Variants in GTF2B observed in about 807,000 individuals in gnomAD.
GTF2B encodes the protein general transcription factor IIB, also known as transcription initiation factor IIB.
GTF2B carries 20 observed loss-of-function variants against 34.6 expected under a neutral mutation model. The ratio of observed to expected loss-of-function variants is 0.58; its 90% CI spans 0.41 to 0.84. GTF2B has a LOEUF of 0.84. Ranked by LOEUF, GTF2B falls within the 40% of genes least tolerant of loss-of-function variation. The pLI is 0.00. For missense variants in GTF2B, 237 were observed against 393.3 expected (o/e 0.60, Z 3.36); for synonymous variants, 142 against 132.4 (o/e 1.07, Z -0.50).
At chr1:88,867,716 T>C (rs550457741) in intron 2 of GTF2B, among the ~76,000 whole-genome samples, 4 of 152,356 alleles carry the variant, frequency 2.6e-5, no homozygotes, top group African/African-American at 9.6e-5. Flanking sequence ...CTTCATTTCA[T>C]AGCATTTTCT....
At chr1:88,876,559 G>A (rs1440081937) in intron 2 of GTF2B, among the ~76,000 whole-genome samples, 3 of 152,008 alleles carry the variant, frequency 2.0e-5, no homozygotes, top group Admixed American at 6.6e-5. Context: ...GTTTGAGCCC[G>A]TGGCGACAGC....
At chr1:88,866,412 T>C (rs141150333) in intron 2 of GTF2B, among the ~76,000 whole-genome samples, 125 of 152,284 alleles carry the variant, frequency 8.2e-4, no homozygotes, top group African/African-American at 2.8e-3. Context: ...TTTTCTTTTT[T>C]CTTTTCCTTT....
chr1:88,887,285 A>G lies in GTF2B; in HGVS notation c.100T>C (p.Cys34Arg), dbSNP rs1176236860. Reference protein sequence around the residue: ...VEDYRAGDMICPECGLVVGDR... With the variant: ...VEDYRAGDMIRPECGLVVGDR... ...CCTACAACCAAGCCACATTCAGGAC[A>G]GATCATATCACCGGCTCTGTAGTCC... The change falls in exon 2 of 7, where the codon TGT becomes CGT. Residue 34 changes from cysteine (C) to arginine (R), a missense_variant. Coordinates refer to ENST00000370500, the MANE Select transcript of GTF2B (RefSeq NM_001514.6). 1.9e-6 allele frequency: 3 copies of G among 1,609,528 alleles called. No homozygotes were observed. The highest frequency in any genetic ancestry group is 3.3e-5 in the Admixed American group (2 of 59,992).
At chr1:88,886,719 T>A (rs1674076609) in intron 2 of GTF2B, among the ~76,000 whole-genome samples, 1 of 152,198 alleles carries the variant, frequency 6.6e-6, no homozygotes, top group South Asian at 2.1e-4. Context: ...TTTCGTTTCT[T>A]CTGGATTAGC....
intron 2 of GTF2B, among the ~76,000 whole-genome samples, chr1:88,868,466 C>A (rs1557656241): frequency 6.6e-6 from 1 of 152,138 alleles, no homozygotes; most frequent in Non-Finnish European, 1.5e-5. Flanking sequence ...AGTTCCCCAT[C>A]CAAAAGAGTA....
At chr1:88,869,773 C>CCT (rs1673647029) in intron 2 of GTF2B, among the ~76,000 whole-genome samples, 1 of 152,032 alleles carries the variant, frequency 6.6e-6, no homozygotes. Flanking sequence ...ATTACAGGCG[C>CCT]CTGCCACCAC....
chr1:88,853,436 A>G (rs1037990688), intron 6 of GTF2B, 90 bp from the exon 7 acceptor site: 11 of 1,172,624 alleles, frequency 9.4e-6, no homozygotes, highest in Non-Finnish European at 1.4e-5. Context: ...ATGATAGTAT[A>G]AAGTGCCAAA....
chr1:88,880,069 T>C (rs1283041751), intron 2 of GTF2B, among the ~76,000 whole-genome samples: 1 of 149,602 alleles, frequency 6.7e-6, no homozygotes. Context: ...CTCAAAAAAA[T>C]AAAAAAGAAA....
intron 1 of GTF2B, among the ~76,000 whole-genome samples, chr1:88,888,429 G>A (rs1456391998): frequency 6.6e-6 from 1 of 152,108 alleles, no homozygotes; most frequent in Non-Finnish European, 1.5e-5. Flanking sequence ...GGGGGGATGA[G>A]TATTACTTCA....
chr1:88,864,341 T>G (rs1342245969), intron 2 of GTF2B, among the ~76,000 whole-genome samples: 2 of 152,214 alleles, frequency 1.3e-5, no homozygotes, highest in South Asian at 2.1e-4. Flanking sequence ...ATTCTAACTC[T>G]TGGAAGAAAA....
intron 2 of GTF2B, among the ~76,000 whole-genome samples, chr1:88,877,154 C>G (rs557951564): frequency 6.6e-6 from 1 of 152,308 alleles, no homozygotes; most frequent in East Asian, 1.9e-4. Flanking sequence ...CATTCCCCAG[C>G]TGACTCTTAA....
Position 88,853,275 on chromosome 1 carries a change from G to T in GTF2B, c.889C>A (p.Pro297Thr). Reference sequence around the variant, plus strand: ...TTGAAGTCTGTAGGAAACAGATCTGGGGCTCGAGGATAGATCAGTCTATAG... The same window carrying T: ...TTGAAGTCTGTAGGAAACAGATCTGTGGCTCGAGGATAGATCAGTCTATAG... ...QSYRLIYPRA[P>T]DLFPTDFKFD... Residue 297 changes from proline (P) to threonine (T), a missense_variant, in exon 7 of 7, where the codon CCA becomes ACA. By Grantham distance (38) the Pro-to-Thr change is conservative (BLOSUM62 -1). This residue lies in a region of GTF2B where 78 missense variants were observed against 116.6 expected (regional missense o/e 0.67). Transcript: ENST00000370500. 6.2e-7 allele frequency: 1 copy of T among 1,611,174 alleles called. No homozygotes were observed. Among genetic ancestry groups the T allele is most frequent in the South Asian group, 1.1e-5 (1 of 91,024 alleles).
intron 2 of GTF2B, among the ~76,000 whole-genome samples, chr1:88,880,700 G>C (rs2100977536): frequency 6.6e-6 from 1 of 152,160 alleles, no homozygotes; most frequent in South Asian, 2.1e-4. Flanking sequence ...ATGTACCTGA[G>C]TACCTACAAA....
chr1:88,875,812 C>G (rs1175534363), intron 2 of GTF2B, among the ~76,000 whole-genome samples: 5 of 152,184 alleles, frequency 3.3e-5, no homozygotes, highest in African/African-American at 1.2e-4. Flanking sequence ...TCTCATCTTT[C>G]TATCACTCTC....
chr1:88,890,881 A>T (rs549103106), intron 1 of GTF2B, among the ~76,000 whole-genome samples: 1 of 152,142 alleles, frequency 6.6e-6, no homozygotes, highest in African/African-American at 2.4e-5. Context: ...ACAGGCAACG[A>T]TATTTGTAAA....
chr1:88,867,256 T>G (rs754610818), intron 2 of GTF2B, among the ~76,000 whole-genome samples: 12 of 152,226 alleles, frequency 7.9e-5, no homozygotes, highest in Non-Finnish European at 1.6e-4. Context: ...ATGCTCTGTG[T>G]TTTTCGTTCA....
In GTF2B at chr1:88,879,403, A is replaced by AC. The variant is rs1485940487; in HGVS notation, c.124+7857dup. Among the ~76,000 whole-genome samples the AC allele has an allele frequency of 2.6e-5, 4 of 151,500 alleles. No homozygotes were observed. The South Asian group carries it at 8.4e-4, about 32-fold the overall frequency. The stretch of plus-strand genomic sequence containing the variant: ...ATACCAGCCCAGCCGACATGGTGAA[A>AC]CCCCGTCTCTACTAAAAATACAAAA... On this transcript the variant is annotated intron_variant, in intron 2 of 6. Transcript: ENST00000370500.
chr1:88,862,849 G>T (rs1284694363), intron 3 of GTF2B, among the ~76,000 whole-genome samples: 1 of 150,682 alleles, frequency 6.6e-6, no homozygotes, highest in Non-Finnish European at 1.5e-5. Context: ...CGCCATCTTG[G>T]CCAGGCTGGT....
chr1:88,856,291 CAAAAA>C (rs1162915523), intron 6 of GTF2B, among the ~76,000 whole-genome samples: 6 of 86,146 alleles, frequency 7.0e-5, no homozygotes, highest in African/African-American at 2.6e-4. Flanking sequence ...AAAAAAAAAA[CAAAAA>C]AAAAAAAGGA....
Sources: allele counts gnomAD v4.1 joint callset (sites outside exome capture counted in the v4.1 genomes callset), GRCh38; gene constraint gnomAD v4.1.1; regional missense constraint gnomAD v4.1.1; transcripts MANE v1.5; gene names NCBI Gene and HGNC (gene_info 2026-07-23, HGNC 2026-07-21).